The following MEGF6 variants were observed in gnomAD, a reference collection of about 807,000 sequenced individuals.
MEGF6 encodes the protein multiple epidermal growth factor-like domains protein 6.
In MEGF6, 184 loss-of-function variants were observed where a neutral mutation model predicts 207.1. That is an observed-to-expected ratio of 0.89 (90% CI 0.79 to 1.00). The LOEUF is 1.00. Ranked by LOEUF, MEGF6 falls within the 50% of genes least tolerant of loss-of-function variation. MEGF6 has a pLI of 0.00. For missense variants in MEGF6, 2,282 were observed against 2,202.9 expected, an observed-to-expected ratio of 1.04 and a Z score of -0.72; for synonymous variants, 1,038 against 910.0, an observed-to-expected ratio of 1.14 and a Z score of -2.53.
intron 17 of MEGF6, among the ~76,000 whole-genome samples, chr1:3,502,365 C>T (rs1021098843): frequency 6.6e-5 from 10 of 152,182 alleles, no homozygotes; most frequent in Admixed American, 6.5e-5. Flanking sequence ...GAGGACCTGT[C>T]CTGGTCAGGC....
At chr1:3,568,300 A>T (rs1643404478) in intron 4 of MEGF6, among the ~76,000 whole-genome samples, 1 of 146,550 alleles carries the variant, frequency 6.8e-6, no homozygotes, top group South Asian at 2.1e-4. Context: ...GCTTGGGTAA[A>T]AACCAAGGCC....
At position 3,509,103 on chromosome 1, in the gene MEGF6, C is replaced by G; in HGVS notation, c.1500G>C (p.Arg500=). ...ACTTCTCTGTGAGCGTGTGTTCGCC[C>G]CGCAACTCTGCCTCTTCCTCATCGG... ...VGADEEEAEL[R]GEHTLTEKFV... The change falls in exon 12 of 37, where the codon CGG becomes CGC. Residue 500 remains arginine (R), a synonymous_variant. Transcript: ENST00000356575. The G allele has an allele frequency of 6.3e-7, 1 of 1,599,728 alleles. No homozygotes were observed. The highest frequency in any genetic ancestry group is 2.3e-5 in the East Asian group (1 of 43,946).
rs374558368 is a variant in MEGF6 at position 3,494,134 on chromosome 1, G to A, written c.4130-10C>T. The A allele has an allele frequency of 8.4e-6, 13 of 1,547,704 alleles. No individual in the cohort carries two copies. The highest frequency in any genetic ancestry group is 2.3e-5 in the East Asian group (1 of 44,232). Reference sequence around the variant, plus strand: ...AAGCCAGGGGGACAGGCTGAAGGACGCCGGTTACCACGAGACAAGGGCACA... The same window carrying A: ...AAGCCAGGGGGACAGGCTGAAGGACACCGGTTACCACGAGACAAGGGCACA... On this transcript the variant is annotated splice_polypyrimidine_tract_variant and intron_variant, in intron 32 of 36. Coordinates refer to ENST00000356575, the MANE Select transcript of MEGF6 (RefSeq NM_001409.4).
Position 3,541,969 on chromosome 1 carries a change from G to A in MEGF6, c.482-17723C>T, listed in dbSNP as rs533024975. On this transcript the variant is annotated intron_variant, in intron 4 of 36. Transcript: ENST00000356575. The stretch of plus-strand genomic sequence containing the variant: ...CCGATGAAAACCCAGCTCCACCCTG[G>A]AAGCCCCCGCGGCCAAGTAGCAGCT... Among the ~76,000 whole-genome samples the A allele has an allele frequency of 2.0e-5, 3 of 152,314 alleles. No homozygotes were observed. In the South Asian group the frequency reaches 6.2e-4, roughly 32 times the overall value.
At chr1:3,530,865 G>A (rs1642132167) in intron 4 of MEGF6, among the ~76,000 whole-genome samples, 1 of 152,228 alleles carries the variant, frequency 6.6e-6, no homozygotes, top group African/African-American at 2.4e-5. Context: ...AGTAGCCTCT[G>A]CCGACAGCCC....
rs1263397763 is a variant in MEGF6 at position 3,602,472 on chromosome 1, T to C, written c.260A>G (p.Glu87Gly). Residue 87 changes from glutamate to glycine, a missense_variant, in exon 2 of 37, where the codon GAG (glutamate) becomes GGG (glycine). Glu to Gly is a moderately conservative substitution (Grantham distance 98). Transcript: ENST00000356575. ...CACGGGCCCCTGCACTTACCTCCGCTCATGACCCACGCACCACGCCTGCCA... is the reference window on the plus strand; with the variant it reads ...CACGGGCCCCTGCACTTACCTCCGCCCATGACCCACGCACCACGCCTGCCA... ...CGWQAWCVGH[E>G]RRTVYYMGYR... is the part of the protein sequence containing the mutation. The C allele has an allele frequency of 2.4e-5, 39 of 1,613,238 alleles. No homozygotes were observed. The highest frequency in any genetic ancestry group is 3.3e-5 in the Non-Finnish European group (39 of 1,179,890).
chr1:3,569,216 C>T (rs1643431430), intron 4 of MEGF6, among the ~76,000 whole-genome samples: 1 of 152,252 alleles, frequency 6.6e-6, no homozygotes, highest in Non-Finnish European at 1.5e-5. Flanking sequence ...CCCAAAGAAG[C>T]AGGGACAGCC....
intron 26 of MEGF6, among the ~76,000 whole-genome samples, chr1:3,498,032 C>T (rs1180783413): frequency 6.6e-6 from 1 of 152,134 alleles, no homozygotes; most frequent in Non-Finnish European, 1.5e-5. Context: ...CCAGCCAGCA[C>T]AGGCTCCAGG....
chr1:3,536,454 C>T (rs1642331711), intron 4 of MEGF6, among the ~76,000 whole-genome samples: 1 of 152,134 alleles, frequency 6.6e-6, no homozygotes, highest in South Asian at 2.1e-4. Flanking sequence ...GGCTCTGGGC[C>T]GTCCCTCCTG....
intron 4 of MEGF6, among the ~76,000 whole-genome samples, chr1:3,541,815 C>T (rs1470177814): frequency 6.6e-6 from 1 of 152,136 alleles, no homozygotes; most frequent in Non-Finnish European, 1.5e-5. Context: ...GGCACAGGGG[C>T]TCCCTGGGGG....
the MEGF6 span, among the ~76,000 whole-genome samples, chr1:3,619,251 C>T: frequency 6.6e-6 from 1 of 152,204 alleles, no homozygotes; most frequent in Non-Finnish European, 1.5e-5. Context: ...AACTCAGGGG[C>T]TCCCCTCCCG....
At chr1:3,510,129 A>G (rs2821004) in intron 10 of MEGF6, 137 bp from the exon 11 acceptor site, 107,947 of 1,210,882 alleles carry the variant, frequency 0.089, 5,575 homozygotes, top group Admixed American at 0.15. Flanking sequence ...TCAACCAGCC[A>G]GTAAAACTCA....
chr1:3,547,825 T>C (rs908522981), intron 4 of MEGF6, among the ~76,000 whole-genome samples: 5 of 151,972 alleles, frequency 3.3e-5, no homozygotes, highest in Non-Finnish European at 7.4e-5. Flanking sequence ...CAGCAGGACT[T>C]CCCCCGGGAC....
intron 3 of MEGF6, among the ~76,000 whole-genome samples, chr1:3,589,308 T>G (rs1270991423): frequency 6.6e-6 from 1 of 152,138 alleles, no homozygotes; most frequent in Non-Finnish European, 1.5e-5. Context: ...AAACTCACAT[T>G]GGTTTCAGTG....
At chr1:3,526,389 G>A (rs1324907569) in intron 4 of MEGF6, among the ~76,000 whole-genome samples, 1 of 149,702 alleles carries the variant, frequency 6.7e-6, no homozygotes, top group African/African-American at 2.5e-5. Flanking sequence ...CTCAGGCCAG[G>A]TGACACCTAT....
chr1:3,520,802 C>G (rs1298542749), intron 5 of MEGF6, among the ~76,000 whole-genome samples: 2 of 152,172 alleles, frequency 1.3e-5, no homozygotes, highest in Non-Finnish European at 2.9e-5. Flanking sequence ...GAGGTTGTAC[C>G]TTTCCTGGCC....
In MEGF6 at chr1:3,488,414, T is replaced by A. The variant is rs151069072; in HGVS notation, c.*2114A>T. On this transcript the variant is annotated 3_prime_UTR_variant, in exon 37 of 37. Coordinates refer to ENST00000356575, the MANE Select transcript of MEGF6 (RefSeq NM_001409.4). ...ATGCTGAGACTGTCGGGGGTTCCCA[T>A]TGGGGAGTAATGGTGATATTCTGAC... 1.1e-4 allele frequency among the ~76,000 whole-genome samples: 17 copies of A among 152,140 alleles called. No individual in the cohort carries two copies. Among genetic ancestry groups the A allele is most frequent in the Non-Finnish European group, 2.5e-4 (17 of 68,024 alleles).
intron 5 of MEGF6, among the ~76,000 whole-genome samples, chr1:3,521,186 GC>G (rs1641734145): frequency 6.6e-6 from 1 of 152,164 alleles, no homozygotes; most frequent in Non-Finnish European, 1.5e-5. Context: ...CCGCTGAGCA[GC>G]CCGCCCTCAA....
intron 4 of MEGF6, among the ~76,000 whole-genome samples, chr1:3,538,328 G>A (rs1038397997): frequency 2.0e-5 from 3 of 151,094 alleles, no homozygotes; most frequent in Admixed American, 2.0e-4. Context: ...AGCAGGGGGG[G>A]CCCCCACCCG....
Sources: allele counts gnomAD v4.1 joint callset (sites outside exome capture counted in the v4.1 genomes callset), GRCh38; gene constraint gnomAD v4.1.1; transcripts MANE v1.5; gene names NCBI Gene and HGNC (gene_info 2026-07-23, HGNC 2026-07-21).